The following CDH2 variants were observed in gnomAD, a reference collection of about 807,000 sequenced individuals.
CDH2 encodes the protein cadherin 2.
In CDH2, 17 loss-of-function variants were observed where a neutral mutation model predicts 92.0. The observed-to-expected ratio is 0.18, with a 90% CI of 0.13 to 0.28. The LOEUF is 0.28. Among genes scored for constraint, CDH2 ranks in the 10% least tolerant of loss-of-function variants. CDH2 has a pLI of 1.00. For synonymous variants in CDH2, 419 were observed against 415.9 expected, an observed-to-expected ratio of 1.01 and a Z score of -0.09; for missense variants, 862 against 1,133.1, an observed-to-expected ratio of 0.76 and a Z score of 3.44.
intron 2 of CDH2, among the ~76,000 whole-genome samples, chr18:28,053,592 T>C (rs2014234898): frequency 6.6e-6 from 1 of 152,224 alleles, no homozygotes; most frequent in Admixed American, 6.5e-5. Context: ...AGCCAACTGA[T>C]TCAAATAACC....
At chr18:28,152,577 G>C (rs1032145212) in intron 1 of CDH2, among the ~76,000 whole-genome samples, 6 of 152,142 alleles carry the variant, frequency 3.9e-5, no homozygotes, top group Admixed American at 3.9e-4. Context: ...AGTGCCTGGG[G>C]AATAACAATG....
chr18:27,950,274 A>G (rs1416635762), downstream of CDH2, among the ~76,000 whole-genome samples: 1 of 152,176 alleles, frequency 6.6e-6, no homozygotes, highest in Non-Finnish European at 1.5e-5. Context: ...TGTGTACAGT[A>G]TAAGACTATA....
chr18:28,057,142 G>A (rs2014308026), intron 2 of CDH2, among the ~76,000 whole-genome samples: 1 of 152,084 alleles, frequency 6.6e-6, no homozygotes, highest in African/African-American at 2.4e-5. Flanking sequence ...TCTTCAAGGA[G>A]GTTCATGGAA....
intron 7 of CDH2, among the ~76,000 whole-genome samples, chr18:28,001,944 T>C (rs1381847927): frequency 6.6e-6 from 1 of 152,258 alleles, no homozygotes. Context: ...TGTCTCCTTT[T>C]GACATACATA....
In CDH2 at chr18:28,155,480, A is replaced by G. The variant is rs17536717; in HGVS notation, c.61-7696T>C. On this transcript the variant is annotated intron_variant, in intron 1 of 15. Coordinates refer to ENST00000269141, the MANE Select transcript of CDH2 (RefSeq NM_001792.5). ...ATTTTGTGAAGAAGGAATACCGTAA[A>G]GAAATCAAGCCTGCAAAAAAACGGA... Among the ~76,000 whole-genome samples, 471 of 152,318 alleles carry G rather than the reference A, an allele frequency of 3.1e-3. 3 individuals carry two copies. The highest frequency in any genetic ancestry group is 0.011 in the African/African-American group (443 of 41,568).
chr18:28,103,334 TTTA>T (rs398120249), intron 2 of CDH2, among the ~76,000 whole-genome samples: 1 of 129,322 alleles, frequency 7.7e-6, no homozygotes, highest in Admixed American at 8.3e-5. Context: ...TAAAAACTCC[TTTA>T]TATATATAAA....
chr18:28,083,144 C>T (rs2014862453), intron 2 of CDH2, among the ~76,000 whole-genome samples: 1 of 152,096 alleles, frequency 6.6e-6, no homozygotes, highest in South Asian at 2.1e-4. Flanking sequence ...ACTGGAGACA[C>T]AGATAGTATA....
intron 1 of CDH2, among the ~76,000 whole-genome samples, chr18:28,174,727 G>A (rs2016512171): frequency 6.6e-6 from 1 of 152,304 alleles, no homozygotes; most frequent in African/African-American, 2.4e-5. Context: ...TGCTCCACTT[G>A]TAACACACAT....
chr18:27,985,266 G>T, intron 12 of CDH2, 33 bp from the exon 13 acceptor site: 2 of 1,241,628 alleles, frequency 1.6e-6, no homozygotes, highest in Non-Finnish European at 2.4e-6. Context: ...AGTTTGATAG[G>T]TAATACTTAA....
intron 2 of CDH2, among the ~76,000 whole-genome samples, chr18:28,078,054 T>C (rs201450021): frequency 1.3e-5 from 2 of 152,180 alleles, no homozygotes; most frequent in East Asian, 3.9e-4. Context: ...AAACTTTGTA[T>C]CAAAAGATAT....
rs78714079 is a variant in CDH2 at position 28,025,700 on chromosome 18, G to A, written c.173-11791C>T. Among the ~76,000 whole-genome samples, 527 of 151,558 alleles carry A rather than the reference G, an allele frequency of 3.5e-3. 6 individuals carry two copies. The highest frequency in any genetic ancestry group is 0.012 in the African/African-American group (501 of 41,388). On this transcript the variant is annotated intron_variant, in intron 2 of 15. Coordinates refer to ENST00000269141, the MANE Select transcript of CDH2 (RefSeq NM_001792.5). ...ACATGTACTACAGTGATCAAATCAG[G>A]GTAATTACCATAGCCATCACTTTAA...
At chr18:28,002,116 A>C (rs534231498) in intron 7 of CDH2, among the ~76,000 whole-genome samples, 40 of 152,350 alleles carry the variant, frequency 2.6e-4, no homozygotes, top group African/African-American at 9.4e-4. Context: ...AGAATCGAGA[A>C]AGGATGAAAA....
chr18:27,984,956 G>C lies in CDH2; in HGVS notation c.2209+44C>G, dbSNP rs561756416. 2.0e-6 allele frequency: 3 copies of C among 1,475,946 alleles called. No individual in the cohort carries two copies. The East Asian group carries it at 6.8e-5, about 34-fold the overall frequency. 91.4% of individuals were successfully genotyped at this position (1,475,946 alleles called of 1,614,324 possible). A position where few individuals can be genotyped will look rare whatever the true frequency, so the allele number is the denominator to read the frequency against. On this transcript the variant is annotated intron_variant, in intron 13 of 15. Transcript: ENST00000269141. ...ACACATGACTTTGCTGAACATCCTA[G>C]AAGCCAAGAGAACTGAAATCTAAAA...
At chr18:28,116,521 A>G (rs551663151) in intron 2 of CDH2, among the ~76,000 whole-genome samples, 187 of 152,178 alleles carry the variant, frequency 1.2e-3, no homozygotes, top group Non-Finnish European at 2.2e-3. Context: ...GGAAATCACT[A>G]TTTCAATAGG....
At chr18:28,101,672 A>G (rs913154912) in intron 2 of CDH2, among the ~76,000 whole-genome samples, 1 of 152,186 alleles carries the variant, frequency 6.6e-6, no homozygotes. Flanking sequence ...GTTTTAAAAA[A>G]GAAAAAGGAT....
chr18:28,040,508 A>G (rs1161913865), intron 2 of CDH2, among the ~76,000 whole-genome samples: 1 of 152,206 alleles, frequency 6.6e-6, no homozygotes, highest in African/African-American at 2.4e-5. Context: ...AACAATCTGC[A>G]GTCAACACAA....
At chr18:28,144,535 C>T (rs117087320) in intron 2 of CDH2, among the ~76,000 whole-genome samples, 1 of 152,052 alleles carries the variant, frequency 6.6e-6, no homozygotes, top group Non-Finnish European at 1.5e-5. Context: ...CCTAGTAATT[C>T]TATTTTTGAA....
At chr18:27,956,155 C>T (rs2143864397) in intron 15 of CDH2, among the ~76,000 whole-genome samples, 1 of 152,256 alleles carries the variant, frequency 6.6e-6, no homozygotes, top group Non-Finnish European at 1.5e-5. Context: ...TTATGGGATT[C>T]CTTTATTCTT....
At chr18:28,148,460 C>CA (rs1458492589) in intron 1 of CDH2, among the ~76,000 whole-genome samples, 1 of 152,170 alleles carries the variant, frequency 6.6e-6, no homozygotes, top group Non-Finnish European at 1.5e-5. Context: ...TTAATTTACT[C>CA]AGTGTGCTTA....
Sources: gnomAD v4.1 joint callset for allele counts (sites outside exome capture counted in the v4.1 genomes callset) on GRCh38, gnomAD v4.1.1 for gene constraint, MANE v1.5 for transcripts, NCBI Gene and HGNC (gene_info 2026-07-23, HGNC 2026-07-21) for gene names.